Variants in AP1S3 observed in about 807,000 individuals in gnomAD.
The protein encoded by AP1S3 is AP-1 complex subunit sigma-3.
In AP1S3, 10 loss-of-function variants were observed where a neutral mutation model predicts 20.9. The observed-to-expected ratio is 0.48, with a 90% CI of 0.29 to 0.81. The LOEUF (loss-of-function observed/expected upper bound fraction) is 0.81. Among genes scored for constraint, AP1S3 ranks in the 30% least tolerant of loss-of-function variants. The pLI is 0.08. For synonymous variants in AP1S3, 41 were observed against 61.5 expected (o/e 0.67, Z 1.56); for missense variants, 154 against 183.8 (o/e 0.84, Z 0.94).
At chr2:223,761,569 T>G (rs1369728189) in intron 4 of AP1S3, among the ~76,000 whole-genome samples, 3 of 152,138 alleles carry the variant, frequency 2.0e-5, no homozygotes, top group Non-Finnish European at 4.4e-5. Context: ...GAATTACAGG[T>G]GTACACCACC....
chr2:223,783,691 C>G (rs957045358), intron 1 of AP1S3, among the ~76,000 whole-genome samples: 1 of 152,296 alleles, frequency 6.6e-6, no homozygotes, highest in Non-Finnish European at 1.5e-5. Flanking sequence ...CTGCTCTTGA[C>G]CTGGATCCAT....
At chr2:223,816,926 G>A (rs1336874744) in intron 1 of AP1S3, among the ~76,000 whole-genome samples, 4 of 152,106 alleles carry the variant, frequency 2.6e-5, no homozygotes, top group Non-Finnish European at 5.9e-5. Flanking sequence ...TCAGGAGTTC[G>A]AAACCAGCCT....
chr2:223,794,497 C>A (rs1212842042), intron 1 of AP1S3, among the ~76,000 whole-genome samples: 1 of 152,152 alleles, frequency 6.6e-6, no homozygotes, highest in Non-Finnish European at 1.5e-5. Context: ...TCTCCAGATA[C>A]AATAAACTCA....
chr2:223,819,177 C>A (rs980955578), intron 1 of AP1S3, among the ~76,000 whole-genome samples: 6 of 152,152 alleles, frequency 3.9e-5, no homozygotes, highest in African/African-American at 1.4e-4. Context: ...GTGCCAAAAC[C>A]ACGCCCAGCC....
intron 1 of AP1S3, among the ~76,000 whole-genome samples, chr2:223,800,354 G>A (rs57451701): frequency 3.3e-5 from 5 of 151,392 alleles, no homozygotes; most frequent in Non-Finnish European, 4.4e-5. Flanking sequence ...GCAACATATC[G>A]AGAACCCATC....
At chr2:223,768,313 G>A (rs1690530319) in intron 3 of AP1S3, among the ~76,000 whole-genome samples, 1 of 151,908 alleles carries the variant, frequency 6.6e-6, no homozygotes, top group Non-Finnish European at 1.5e-5. Flanking sequence ...TTTTTTCAAG[G>A]CCAAATTCAA....
chr2:223,823,402 G>T (rs2106127518), intron 1 of AP1S3, among the ~76,000 whole-genome samples: 1 of 152,258 alleles, frequency 6.6e-6, no homozygotes, highest in South Asian at 2.1e-4. Context: ...AATACTATTT[G>T]GCCTTTAGAA....
chr2:223,825,784 A>G (rs1172099501), intron 1 of AP1S3, among the ~76,000 whole-genome samples: 1 of 152,206 alleles, frequency 6.6e-6, no homozygotes, highest in Non-Finnish European at 1.5e-5. Context: ...TGGGAGGCCG[A>G]GGTGGGTGGA....
chr2:223,766,516 TGCC>T (rs1559275380), intron 3 of AP1S3, among the ~76,000 whole-genome samples: 1 of 152,192 alleles, frequency 6.6e-6, no homozygotes, highest in Non-Finnish European at 1.5e-5. Flanking sequence ...TACCATCTCA[TGCC>T]AGTTAGAATG....
Position 223,837,539 on chromosome 2 carries a change from G to T in AP1S3, c.-89C>A. 1 of 849,758 alleles carries T rather than the reference G, an allele frequency of 1.2e-6. No individual in the cohort carries two copies. The highest frequency in any genetic ancestry group is 4.7e-5 in the South Asian group (1 of 21,114). The allele number at this position is 849,758 out of a possible 1,614,324, so 52.6% of individuals were successfully genotyped here. ...GGCGAGCGCTGGAGCCGGTGCGGCT[G>T]ACAGGTGAGGCGCCCGGCTTAGACC... On this transcript the variant is annotated 5_prime_UTR_variant, in exon 1 of 5. Coordinates refer to ENST00000396654, the MANE Select transcript of AP1S3 (RefSeq NM_001039569.2).
At chr2:223,816,200 T>A (rs1222495181) in intron 1 of AP1S3, among the ~76,000 whole-genome samples, 1 of 152,222 alleles carries the variant, frequency 6.6e-6, no homozygotes, top group Non-Finnish European at 1.5e-5. Context: ...ATATCAACAG[T>A]GTTAAGTGAG....
chr2:223,817,530 C>G (rs1274157067), intron 1 of AP1S3, among the ~76,000 whole-genome samples: 2 of 149,444 alleles, frequency 1.3e-5, no homozygotes, highest in African/African-American at 2.5e-5. Context: ...ATTGCTTGAA[C>G]CCGGGAGGTG....
rs35643939 is a variant in AP1S3 at position 223,780,751 on chromosome 2, CTT to C, written c.4-2884_4-2883del. Among the ~76,000 whole-genome samples the C allele has an allele frequency of 6.6e-3, 973 of 148,362 alleles. 10 individuals carry two copies. The highest frequency in any genetic ancestry group is 0.022 in the African/African-American group (888 of 40,316). ...CAGCTTGAGGTTCTTAATAGTTCAT[CTT>C]TTTTTTTTTTCTGGTAACTACAAAT... On this transcript the variant is annotated intron_variant, in intron 1 of 4. Coordinates refer to ENST00000396654, the MANE Select transcript of AP1S3 (RefSeq NM_001039569.2).
chr2:223,785,087 T>G (rs1574701613), intron 1 of AP1S3, among the ~76,000 whole-genome samples: 2 of 152,338 alleles, frequency 1.3e-5, no homozygotes, highest in East Asian at 3.9e-4. Flanking sequence ...AGACCTGTAA[T>G]GCCAGCACTT....
At chr2:223,811,953 A>G (rs1426337580) in intron 1 of AP1S3, among the ~76,000 whole-genome samples, 1 of 152,240 alleles carries the variant, frequency 6.6e-6, no homozygotes, top group African/African-American at 2.4e-5. Context: ...GTTGACCAGC[A>G]TCTCTAGGGA....
chr2:223,824,092 A>G (rs1184763368), intron 1 of AP1S3, among the ~76,000 whole-genome samples: 1 of 152,100 alleles, frequency 6.6e-6, no homozygotes, highest in Non-Finnish European at 1.5e-5. Flanking sequence ...CCAGGGCTCA[A>G]TTGATCTTCC....
chr2:223,811,096 C>CT (rs72061659), intron 1 of AP1S3, among the ~76,000 whole-genome samples: 27 of 147,792 alleles, frequency 1.8e-4, no homozygotes, highest in East Asian at 4.0e-4. Context: ...CCATCTTCAC[C>CT]TTTTTTTTTT....
rs575216721 is a variant in AP1S3 at position 223,837,558 on chromosome 2, T to G, written c.-108A>C. 1 of 671,690 alleles carries G rather than the reference T, an allele frequency of 1.5e-6. No individual in the cohort carries two copies. The highest frequency in any genetic ancestry group is 5.8e-5 in the South Asian group (1 of 17,176). The allele number at this position is 671,690 out of a possible 1,614,324, so 41.6% of individuals were successfully genotyped here. Reference sequence around the variant, plus strand: ...GCGGCTGACAGGTGAGGCGCCCGGCTTAGACCATGGCTGCTTCCCACAATG... The same window carrying G: ...GCGGCTGACAGGTGAGGCGCCCGGCGTAGACCATGGCTGCTTCCCACAATG... On this transcript the variant is annotated 5_prime_UTR_variant, in exon 1 of 5. An upstream open reading frame in the 5' UTR loses its in-frame stop. Transcript: ENST00000396654.
At chr2:223,767,333 G>C (rs1027090536) in intron 3 of AP1S3, among the ~76,000 whole-genome samples, 10 of 152,056 alleles carry the variant, frequency 6.6e-5, no homozygotes, top group African/African-American at 2.2e-4. Flanking sequence ...ACCACTTAAT[G>C]CCTGTTTTTC....
Sources: allele counts gnomAD v4.1 joint callset (sites outside exome capture counted in the v4.1 genomes callset), GRCh38; gene constraint gnomAD v4.1.1; transcripts MANE v1.5; gene names NCBI Gene and HGNC (gene_info 2026-07-23, HGNC 2026-07-21).